The following FGGY variants were observed in gnomAD, a reference collection of about 807,000 sequenced individuals.
FGGY encodes FGGY carbohydrate kinase domain-containing protein.
In FGGY, 72 loss-of-function variants were observed where a neutral mutation model predicts 71.3. The ratio of observed to expected loss-of-function variants is 1.01; its 90% confidence interval spans 0.84 to 1.23. The LOEUF is 1.23. Ranked by LOEUF, FGGY falls within the 50% of genes most tolerant of loss-of-function variation. The pLI, the probability that FGGY is intolerant of heterozygous loss-of-function variation, is 0.00. For synonymous variants in FGGY, 251 were observed against 250.3 expected, an observed-to-expected ratio of 1.00 and a Z score of -0.02; for missense variants, 668 against 682.3, an observed-to-expected ratio of 0.98 and a Z score of 0.23.
chr1:59,565,153 T>C (rs1359033182), intron 8 of FGGY, among the ~76,000 whole-genome samples: 1 of 152,142 alleles, frequency 6.6e-6, no homozygotes, highest in African/African-American at 2.4e-5. Flanking sequence ...ATGTTTATCA[T>C]GGTCTATTTG....
chr1:59,501,468 A>T (rs994925481), intron 6 of FGGY, among the ~76,000 whole-genome samples: 11 of 152,068 alleles, frequency 7.2e-5, no homozygotes, highest in African/African-American at 2.2e-4. Context: ...TAAACCTTGT[A>T]ATATTTTTAG....
chr1:59,493,566 T>C (rs577860473), intron 6 of FGGY, among the ~76,000 whole-genome samples: 1 of 152,294 alleles, frequency 6.6e-6, no homozygotes, highest in South Asian at 2.1e-4. Context: ...ATCCTTCTTA[T>C]ATGGGATACA....
At chr1:59,398,411 G>T (rs758332808) in intron 5 of FGGY, among the ~76,000 whole-genome samples, 1 of 152,034 alleles carries the variant, frequency 6.6e-6, no homozygotes, top group Non-Finnish European at 1.5e-5. Flanking sequence ...GCTAATTTTT[G>T]TATTTTTAGT....
At chr1:59,499,129 C>T (rs1478630063) in intron 6 of FGGY, among the ~76,000 whole-genome samples, 4 of 152,010 alleles carry the variant, frequency 2.6e-5, no homozygotes, top group Admixed American at 2.6e-4. Flanking sequence ...CTGGATGATC[C>T]TCTGGTGCCA....
chr1:59,757,006 A>T (rs1456727816), intron 14 of FGGY, among the ~76,000 whole-genome samples: 1 of 151,760 alleles, frequency 6.6e-6, no homozygotes, highest in Non-Finnish European at 1.5e-5. Flanking sequence ...TGTGTGGTAC[A>T]TAGTAAGTGA....
chr1:59,517,326 C>T (rs960902322), intron 7 of FGGY, among the ~76,000 whole-genome samples: 14 of 126,240 alleles, frequency 1.1e-4, no homozygotes, highest in African/African-American at 1.5e-4. Context: ...AGTGCAGTGG[C>T]GGGATCTCGG....
intron 9 of FGGY, among the ~76,000 whole-genome samples, chr1:59,620,093 A>G (rs1462004822): frequency 6.6e-6 from 1 of 151,970 alleles, no homozygotes; most frequent in Non-Finnish European, 1.5e-5. Flanking sequence ...CAGAGGGAGG[A>G]AGGAGTCAAG....
chr1:59,579,041 T>C (rs932507204), intron 8 of FGGY, among the ~76,000 whole-genome samples: 1 of 152,124 alleles, frequency 6.6e-6, no homozygotes, highest in African/African-American at 2.4e-5. Flanking sequence ...AATCAGACAT[T>C]TGTACAAACT....
At chr1:59,686,114 G>T (rs993622571) in intron 14 of FGGY, among the ~76,000 whole-genome samples, 2 of 152,134 alleles carry the variant, frequency 1.3e-5, no homozygotes, top group Non-Finnish European at 2.9e-5. Flanking sequence ...CTGACTTCGG[G>T]TCTAGGATAG....
chr1:59,360,825 G>A (rs1350112081), intron 4 of FGGY, among the ~76,000 whole-genome samples: 2 of 152,110 alleles, frequency 1.3e-5, no homozygotes, highest in South Asian at 2.1e-4. Flanking sequence ...TTAATCGTCC[G>A]GAAGACTTGG....
intron 7 of FGGY, among the ~76,000 whole-genome samples, chr1:59,551,612 T>C (rs1422657709): frequency 6.6e-6 from 1 of 152,102 alleles, no homozygotes; most frequent in Non-Finnish European, 1.5e-5. Flanking sequence ...ATTTTTATCT[T>C]AGAGAAAAAC....
intron 5 of FGGY, among the ~76,000 whole-genome samples, chr1:59,410,964 TTCTC>T (rs544440225): frequency 8.0e-4 from 122 of 152,340 alleles, no homozygotes; most frequent in African/African-American, 2.0e-3. Flanking sequence ...ACTTCTTTCT[TTCTC>T]TCCTACCAAC....
chr1:59,670,443 T>C (rs893873073), intron 13 of FGGY, among the ~76,000 whole-genome samples: 2 of 152,230 alleles, frequency 1.3e-5, no homozygotes, highest in Non-Finnish European at 2.9e-5. Flanking sequence ...TTGGGAGATT[T>C]TTTTGGAGAT....
At chr1:59,634,507 G>C (rs182716638) in intron 10 of FGGY, among the ~76,000 whole-genome samples, 1 of 152,218 alleles carries the variant, frequency 6.6e-6, no homozygotes, top group Non-Finnish European at 1.5e-5. Context: ...AGTATATTTT[G>C]TTATACCATG....
intron 14 of FGGY, among the ~76,000 whole-genome samples, chr1:59,713,331 A>G (rs1055732270): frequency 6.6e-6 from 1 of 151,890 alleles, no homozygotes; most frequent in Non-Finnish European, 1.5e-5. Context: ...AAACCGTTCT[A>G]CCCTCTGCCT....
chr1:59,305,236 A>G (rs1413597783), intron 1 of FGGY, among the ~76,000 whole-genome samples: 1 of 152,148 alleles, frequency 6.6e-6, no homozygotes, highest in Non-Finnish European at 1.5e-5. Context: ...GATTCCTTCT[A>G]TATCTAATTT....
chr1:59,387,311 T>C (rs2060187231), intron 5 of FGGY, among the ~76,000 whole-genome samples: 1 of 152,160 alleles, frequency 6.6e-6, no homozygotes, highest in Non-Finnish European at 1.5e-5. Context: ...CATATTAATG[T>C]ATAAAAATAT....
intron 5 of FGGY, among the ~76,000 whole-genome samples, chr1:59,422,071 C>G (rs546069406): frequency 1.1e-3 from 162 of 152,316 alleles, no homozygotes; most frequent in African/African-American, 3.0e-3. Flanking sequence ...GGATCCCAAA[C>G]TAGCCTCAGA....
intron 6 of FGGY, among the ~76,000 whole-genome samples, chr1:59,490,780 C>T (rs1397238321): frequency 6.6e-6 from 1 of 151,974 alleles, no homozygotes; most frequent in African/African-American, 2.4e-5. Flanking sequence ...CAAGACTGTC[C>T]TTTCAAAGCC....
Sources: allele counts gnomAD v4.1 joint callset (sites outside exome capture counted in the v4.1 genomes callset), GRCh38; gene constraint gnomAD v4.1.1; transcripts MANE v1.5; gene names NCBI Gene and HGNC (gene_info 2026-07-23, HGNC 2026-07-21).